NRXN3: variants seen among roughly 807,000 people sequenced by gnomAD.
NRXN3 encodes the protein neurexin III.
A neutral mutation model predicts 137.6 loss-of-function variants in NRXN3; 32 were observed. The ratio of observed to expected loss-of-function variants is 0.23; its 90% CI spans 0.18 to 0.31. The LOEUF (loss-of-function observed/expected upper bound fraction) is 0.31, where lower values mean the gene tolerates loss of function less well. Among genes scored for constraint, NRXN3 ranks in the 10% least tolerant of loss-of-function variants. The pLI, the probability that NRXN3 is intolerant of heterozygous loss-of-function variation, is 1.00. For missense variants in NRXN3, 1,574 were observed against 2,062.5 expected (o/e 0.76, Z 4.59); for synonymous variants, 798 against 784.5 (o/e 1.02, Z -0.29).
intron 1 of NRXN3, among the ~76,000 whole-genome samples, chr14:78,173,612 A>T (rs1390284060): frequency 1.5e-5 from 1 of 64,652 alleles, no homozygotes; most frequent in African/African-American, 6.2e-5. Flanking sequence ...TGCTCCCCCC[A>T]CCCTAGGCGC....
At chr14:78,497,318 T>A (rs1327132232) in intron 4 of NRXN3, among the ~76,000 whole-genome samples, 3 of 152,154 alleles carry the variant, frequency 2.0e-5, no homozygotes, top group Admixed American at 1.3e-4. Context: ...AATTATGCAA[T>A]CACACTGTCT....
chr14:78,714,982 G>A lies in NRXN3; in HGVS notation c.1887G>A (p.Met629Ile). ...RSKNIRQLAE[M>I]QNAAGVKSSC... ...AGAACATTCGACAGCTGGCAGAGAT[G>A]CAGAATGCTGCGGGTGTCAAGTCCT... Residue 629 changes from methionine to isoleucine, a missense_variant, in exon 8 of 21, where the codon ATG becomes ATA. Physicochemically the swap from Met to Ile is conservative, Grantham distance 10. Around this residue, in one of 5 missense-constraint regions of NRXN3, gnomAD observed 718 missense variants for 887.6 expected, o/e 0.81. Transcript: ENST00000335750. The A allele has an allele frequency of 6.2e-7, 1 of 1,614,204 alleles. No individual in the cohort carries two copies. The highest frequency in any genetic ancestry group is 8.5e-7 in the Non-Finnish European group (1 of 1,180,040).
At chr14:79,175,960 A>G (rs1444922236) in intron 15 of NRXN3, among the ~76,000 whole-genome samples, 1 of 152,242 alleles carries the variant, frequency 6.6e-6, no homozygotes, top group African/African-American at 2.4e-5. Flanking sequence ...AGGCAAGCTT[A>G]TGATGGCTTT....
intron 15 of NRXN3, among the ~76,000 whole-genome samples, chr14:79,413,630 C>T (rs568836775): frequency 6.6e-6 from 1 of 152,118 alleles, no homozygotes; most frequent in South Asian, 2.1e-4. Context: ...AGGATACAGG[C>T]ACTTTTACAT....
At chr14:79,009,602 CAG>C (rs1250533205) in intron 15 of NRXN3, among the ~76,000 whole-genome samples, 4 of 152,198 alleles carry the variant, frequency 2.6e-5, no homozygotes, top group Non-Finnish European at 5.9e-5. Context: ...CATAATCAGA[CAG>C]GGGTATTTCA....
chr14:78,715,670 G>T (rs940945500), intron 8 of NRXN3, among the ~76,000 whole-genome samples: 1 of 152,142 alleles, frequency 6.6e-6, no homozygotes, highest in African/African-American at 2.4e-5. Context: ...AAACTCTGGG[G>T]CCAGACTGGG....
intron 1 of NRXN3, among the ~76,000 whole-genome samples, chr14:78,195,465 A>G (rs1009533105): frequency 1.3e-5 from 2 of 152,212 alleles, no homozygotes; most frequent in Non-Finnish European, 2.9e-5. Flanking sequence ...GGGGTGATAG[A>G]CAATAAACAC....
intron 3 of NRXN3, chr14:78,282,378 C>T (rs1223112548): frequency 3.1e-5 from 10 of 327,552 alleles, no homozygotes; most frequent in Admixed American, 1.9e-4. Context: ...TCTCCCCTCC[C>T]CCAGTGCTTC....
chr14:78,614,818 T>TTTGCTCTTGTGG, intron 4 of NRXN3: 1 of 362,090 alleles, frequency 2.8e-6, no homozygotes, highest in East Asian at 7.4e-5. Context: ...AATTAGGTAA[T>TTTGCTCTTGTGG]GAAACAACTC....
chr14:79,657,607 T>C (rs532448510), intron 16 of NRXN3, among the ~76,000 whole-genome samples: 1 of 152,242 alleles, frequency 6.6e-6, no homozygotes, highest in African/African-American at 2.4e-5. Flanking sequence ...ACCATAATGT[T>C]GAAAGAGTAG....
chr14:79,819,429 G>A (rs977968187), intron 20 of NRXN3, among the ~76,000 whole-genome samples: 1 of 144,204 alleles, frequency 6.9e-6, no homozygotes, highest in Admixed American at 6.9e-5. Flanking sequence ...AACATTTGTT[G>A]AGTTCTCCAC....
chr14:79,470,947 A>AGT (rs777013517), intron 16 of NRXN3, among the ~76,000 whole-genome samples: 11 of 102,730 alleles, frequency 1.1e-4, no homozygotes, highest in African/African-American at 3.1e-4. Flanking sequence ...AGAAAGAGAG[A>AGT]GAGAGTGTGT....
At chr14:78,499,878 A>G (rs1195958590) in intron 4 of NRXN3, among the ~76,000 whole-genome samples, 5 of 152,014 alleles carry the variant, frequency 3.3e-5, no homozygotes, top group African/African-American at 1.2e-4. Flanking sequence ...AGAGGGAGAG[A>G]GAGAGACAGA....
At chr14:78,241,077 A>G (rs1041151849) in intron 1 of NRXN3, among the ~76,000 whole-genome samples, 1 of 152,162 alleles carries the variant, frequency 6.6e-6, no homozygotes, top group Admixed American at 6.5e-5. Context: ...TTTCTACATC[A>G]TCATAAAATA....
intron 4 of NRXN3, among the ~76,000 whole-genome samples, chr14:78,462,819 A>G (rs1022631610): frequency 1.3e-5 from 2 of 152,174 alleles, no homozygotes; most frequent in African/African-American, 4.8e-5. Flanking sequence ...ATCTGTTTTT[A>G]TTCTGGACTA....
chr14:78,717,574 G>T (rs181622082), intron 8 of NRXN3, among the ~76,000 whole-genome samples: 1 of 151,878 alleles, frequency 6.6e-6, no homozygotes, highest in Admixed American at 6.5e-5. Context: ...ACTCTTCTCT[G>T]CTAGCAAAGA....
chr14:79,329,238 A>C (rs998308378), intron 15 of NRXN3, among the ~76,000 whole-genome samples: 2 of 152,140 alleles, frequency 1.3e-5, no homozygotes, highest in African/African-American at 2.4e-5. Flanking sequence ...GGGTATTGTG[A>C]GAGCTATAGG....
intron 15 of NRXN3, among the ~76,000 whole-genome samples, chr14:79,200,358 T>C: frequency 6.6e-6 from 1 of 152,120 alleles, no homozygotes; most frequent in Non-Finnish European, 1.5e-5. Flanking sequence ...GGCATATCCA[T>C]GATGAGAGTA....
chr14:78,226,653 G>C lies in NRXN3; in HGVS notation c.-703-15738G>C, dbSNP rs183574389. ...TAAATAAAGGACCATAAACATTCCAGAATTATCCAGTGAGCCCAGAAGTTG... is the reference window on the plus strand; with the variant it reads ...TAAATAAAGGACCATAAACATTCCACAATTATCCAGTGAGCCCAGAAGTTG... On this transcript the variant is annotated intron_variant, in intron 1 of 20. Coordinates refer to ENST00000335750, the MANE Select transcript of NRXN3 (RefSeq NM_001330195.2). Among the ~76,000 whole-genome samples, 621 of 152,238 alleles carry C rather than the reference G, an allele frequency of 4.1e-3. 1 individual carries two copies. The highest frequency in any genetic ancestry group is 0.014 in the African/African-American group (599 of 41,528).
Sources: allele counts gnomAD v4.1 joint callset (sites outside exome capture counted in the v4.1 genomes callset), GRCh38; gene constraint gnomAD v4.1.1; regional missense constraint gnomAD v4.1.1; transcripts MANE v1.5; gene names NCBI Gene and HGNC (gene_info 2026-07-23, HGNC 2026-07-21).